Variants in ZNF717 observed in about 807,000 individuals in gnomAD.
ZNF717 encodes the protein zinc finger protein 717.
In ZNF717, 9 loss-of-function variants were observed where a neutral mutation model predicts 13.8. That is an observed-to-expected ratio of 0.65 (90% CI 0.39 to 1.14). The LOEUF is 1.14. ZNF717 is among the 50% of genes most tolerant of loss of function. The pLI is 0.01. For missense variants in ZNF717, 1,040 were observed against 1,080.7 expected (o/e 0.96, Z 0.53); for synonymous variants, 327 against 364.1 (o/e 0.90, Z 1.16).
chr3:75,779,233 CA>C (rs1944610526), intron 2 of ZNF717, among the ~76,000 whole-genome samples: 1 of 149,070 alleles, frequency 6.7e-6, no homozygotes, highest in Non-Finnish European at 1.5e-5. Context: ...CTGCTAAAAC[CA>C]GAAACCCAAA....
At position 75,736,776 on chromosome 3, in the gene ZNF717, G is replaced by A. The variant is rs1171419517; in HGVS notation, c.*102C>T. ...GTTACAGCATGGTTAAGACCTTCTT[G>A]TTGGTAGGCCAGGAGGTAATGGTCA... is the stretch of plus-strand genomic sequence containing the variant. On this transcript the variant is annotated 3_prime_UTR_variant, in exon 5 of 5. Coordinates refer to ENST00000652011, the MANE Select transcript of ZNF717 (RefSeq NM_001290208.3). 2 of 1,285,800 alleles carry A rather than the reference G, an allele frequency of 1.6e-6. No homozygotes were observed. Among genetic ancestry groups the A allele is most frequent in the East Asian group, 2.6e-5 (1 of 39,150 alleles). 79.6% of individuals were successfully genotyped at this position (1,285,800 alleles called of 1,614,324 possible).
chr3:75,701,813 G>A (rs1937703159), intron 6 of ZNF717, among the ~76,000 whole-genome samples: 1 of 152,292 alleles, frequency 6.6e-6, no homozygotes, highest in African/African-American at 2.4e-5. Context: ...TAATTAAAGA[G>A]TGGACAAAAA....
intron 4 of ZNF717, among the ~76,000 whole-genome samples, chr3:75,721,461 A>G (rs1448191577): frequency 6.6e-6 from 1 of 152,102 alleles, no homozygotes; most frequent in Admixed American, 6.6e-5. Context: ...TTGTATTTTC[A>G]GTAGAGACGG....
chr3:75,738,109 T>C lies in ZNF717; in HGVS notation c.1514A>G (p.Lys505Arg), dbSNP rs1254878134. ...TIHQWTHTGE[K>R]PYECNECGKT... ...CCCACATTCATTGCATTCGTAGGGT[T>C]TTTCCCCTGTGTGAGTCCATTGATG... The change falls in exon 5 of 5, where the codon AAA becomes AGA. Residue 505 changes from lysine to arginine, a missense_variant. Transcript: ENST00000652011. The C allele has an allele frequency of 1.8e-5, 24 of 1,353,868 alleles. No individual in the cohort carries two copies. The highest frequency in any genetic ancestry group is 4.4e-5 in the African/African-American group (3 of 68,678). 83.9% of individuals were successfully genotyped at this position (1,353,868 alleles called of 1,614,324 possible). A position where few individuals can be genotyped will look rare whatever the true frequency, so the allele number is the denominator to read the frequency against.
chr3:75,702,582 A>C (rs1937717498), intron 6 of ZNF717, among the ~76,000 whole-genome samples: 1 of 152,304 alleles, frequency 6.6e-6, no homozygotes. Flanking sequence ...GATTATAGTA[A>C]AACATAATTT....
chr3:75,732,088 CA>C, downstream of ZNF717: 1 of 703,032 alleles, frequency 1.4e-6, no homozygotes. Flanking sequence ...GCTCCTGTGG[CA>C]AATACCTGAG....
At chr3:75,712,689 T>G (rs938183313) in intron 5 of ZNF717, among the ~76,000 whole-genome samples, 8 of 143,522 alleles carry the variant, frequency 5.6e-5, no homozygotes, top group African/African-American at 2.0e-4. Context: ...GTGAAATATT[T>G]CTTTTCTTTT....
chr3:75,748,192 C>A (rs1443637234), intron 2 of ZNF717, among the ~76,000 whole-genome samples: 2 of 151,972 alleles, frequency 1.3e-5, no homozygotes, highest in African/African-American at 2.4e-5. Context: ...GAAATTGAGG[C>A]AATAATAGCT....
At chr3:75,761,992 T>C (rs1420506769) in intron 2 of ZNF717, among the ~76,000 whole-genome samples, 1 of 150,448 alleles carries the variant, frequency 6.6e-6, no homozygotes, top group Non-Finnish European at 1.5e-5. Flanking sequence ...AGGTGGAGGT[T>C]GCAGTCAGCT....
At chr3:75,734,236 T>A (rs2106946752), downstream of ZNF717, among the ~76,000 whole-genome samples, 1 of 151,562 alleles carries the variant, frequency 6.6e-6, no homozygotes, top group Non-Finnish European at 1.5e-5. Context: ...GCCTGGCTAA[T>A]TTTTTTGTAT....
chr3:75,767,464 CG>C (rs1654592790), intron 2 of ZNF717, among the ~76,000 whole-genome samples: 1 of 152,220 alleles, frequency 6.6e-6, no homozygotes, highest in African/African-American at 2.4e-5. Flanking sequence ...GGAAATGAGC[CG>C]CTGTGGTAAT....
rs1218528710 is a variant in ZNF717, at chr3:75,736,850, A to G, written c.*28T>C. 2.7e-5 allele frequency: 41 copies of G among 1,512,140 alleles called. No homozygotes were observed. The highest frequency in any genetic ancestry group is 3.4e-5 in the Non-Finnish European group (38 of 1,129,130). The allele number at this position is 1,512,140 out of a possible 1,614,324, so 93.7% of individuals were successfully genotyped here. On this transcript the variant is annotated 3_prime_UTR_variant, in exon 5 of 5. Transcript: ENST00000652011. ...GACTGAGCATGGAGAAATCTGTAAT[A>G]GTAGCCAGAGAGGTGTAGGTTGTGT...
intron 2 of ZNF717, among the ~76,000 whole-genome samples, chr3:75,747,974 G>A (rs1378476971): frequency 1.3e-5 from 2 of 152,038 alleles, no homozygotes; most frequent in African/African-American, 2.4e-5. Context: ...AAAGAGAGAA[G>A]AATCAAATAT....
rs546754425 is a variant in ZNF717, at chr3:75,737,023, T to C, written c.2600A>G (p.Glu867Gly). 1 of 1,602,446 alleles carries C rather than the reference T, an allele frequency of 6.2e-7. No individual in the cohort carries two copies. The highest frequency in any genetic ancestry group is 8.5e-7 in the Non-Finnish European group (1 of 1,174,562). Residue 867 changes from glutamate (E) to glycine (G), a missense_variant, in exon 5 of 5, where the codon GAA becomes GGA. Coordinates refer to ENST00000652011, the MANE Select transcript of ZNF717 (RefSeq NM_001290208.3). ...ACATTCCTTACATTCATAAGGTTTTTCTCCTGTGTGTGTTCTCTGATGTAT... is the reference window on the plus strand; with the variant it reads ...ACATTCCTTACATTCATAAGGTTTTCCTCCTGTGTGTGTTCTCTGATGTAT... ...LSIHQRTHTG[E>G]KPYECKECGK...
chr3:75,710,232 T>G (rs1937902972), exon 6 of ZNF717: 1 of 152,262 alleles, frequency 6.6e-6, no homozygotes, highest in South Asian at 2.1e-4. Flanking sequence ...TTTGAGCCAT[T>G]AACCTAGGCT....
chr3:75,747,185 T>G (rs1941260841), intron 2 of ZNF717, among the ~76,000 whole-genome samples: 1 of 152,146 alleles, frequency 6.6e-6, no homozygotes, highest in Admixed American at 6.5e-5. Flanking sequence ...TGTGGTATTA[T>G]TTCTGAGGGC....
At chr3:75,729,510 G>A (rs1245359156), downstream of ZNF717, among the ~76,000 whole-genome samples, 1 of 151,734 alleles carries the variant, frequency 6.6e-6, no homozygotes, top group African/African-American at 2.4e-5. Flanking sequence ...AACTACTCAG[G>A]AGGCTGAGGC....
chr3:75,752,617 C>T (rs1238333051), intron 2 of ZNF717, among the ~76,000 whole-genome samples: 5 of 115,420 alleles, frequency 4.3e-5, no homozygotes. Flanking sequence ...GATTCCAGAG[C>T]ACTCTGCTGT....
In ZNF717 at chr3:75,738,181, C is replaced by A. The variant is rs1261480574; in HGVS notation, c.1442G>T (p.Cys481Phe). ...RTHTGEKPYE[C>F]NECGKTFHRK... Reference sequence around the variant, plus strand: ...GTGAAACGTTTTCCCACATTCATTGCATTCATAGGGTTTTTCCCCTGTGTG... The same window carrying A: ...GTGAAACGTTTTCCCACATTCATTGAATTCATAGGGTTTTTCCCCTGTGTG... The change falls in exon 5 of 5, where the codon TGC becomes TTC. Residue 481 changes from cysteine (C) to phenylalanine (F), a missense_variant. Physicochemically the swap from Cys to Phe is radical, Grantham distance 205 (BLOSUM62 -2). Around this residue, in one of 3 missense-constraint regions of ZNF717, gnomAD observed 873 missense variants for 832.8 expected, o/e 1.05. Coordinates refer to ENST00000652011, the MANE Select transcript of ZNF717 (RefSeq NM_001290208.3). The A allele has an allele frequency of 6.4e-7, 1 of 1,573,218 alleles. No homozygotes were observed. The highest frequency in any genetic ancestry group is 2.4e-5 in the East Asian group (1 of 42,106).
Sources: allele counts gnomAD v4.1 joint callset (sites outside exome capture counted in the v4.1 genomes callset), GRCh38; gene constraint gnomAD v4.1.1; regional missense constraint gnomAD v4.1.1; transcripts MANE v1.5; gene names NCBI Gene and HGNC (gene_info 2026-07-23, HGNC 2026-07-21).